Variants in CSMD3 observed in about 807,000 individuals in gnomAD.
CSMD3 encodes the protein CUB and sushi domain-containing protein 3.
CSMD3 carries 177 observed loss-of-function variants against 435.2 expected under a neutral mutation model. That is an observed-to-expected ratio of 0.41 (90% CI 0.36 to 0.46). The LOEUF (loss-of-function observed/expected upper bound fraction) is 0.46, where lower values mean the gene tolerates loss of function less well. CSMD3 is among the 20% of genes least tolerant of loss of function. The pLI is 0.34. For synonymous variants in CSMD3, 1,656 were observed against 1,520.5 expected (o/e 1.09, Z -2.07); for missense variants, 4,265 against 4,504.6 (o/e 0.95, Z 1.52).
At chr8:113,414,216 A>G (rs1263170274) in intron 1 of CSMD3, among the ~76,000 whole-genome samples, 1 of 152,228 alleles carries the variant, frequency 6.6e-6, no homozygotes, top group Non-Finnish European at 1.5e-5. Context: ...TGACTGAGGA[A>G]TTGAATTGTT....
At chr8:113,292,681 G>T (rs1033787165) in intron 2 of CSMD3, among the ~76,000 whole-genome samples, 6 of 151,860 alleles carry the variant, frequency 4.0e-5, no homozygotes, top group African/African-American at 7.2e-5. Context: ...GAGATGGCAT[G>T]CTGTTAAACA....
At position 112,451,218 on chromosome 8, in the gene CSMD3, G is replaced by A. The variant is rs144636193; in HGVS notation, c.5395+21373C>T. On this transcript the variant is annotated intron_variant, in intron 32 of 70. Coordinates refer to ENST00000297405, the MANE Select transcript of CSMD3 (RefSeq NM_198123.2). Reference sequence around the variant, plus strand: ...AATACCAGAGAGAAAAAGCACAAAGGTTAACAGTAGTTATCTCTGGATAGT... The same window carrying A: ...AATACCAGAGAGAAAAAGCACAAAGATTAACAGTAGTTATCTCTGGATAGT... Among the ~76,000 whole-genome samples the A allele has an allele frequency of 4.6e-5, 7 of 152,064 alleles. No individual in the cohort carries two copies. The East Asian group carries it at 1.4e-3, about 29-fold the overall frequency.
At chr8:112,758,034 C>A (rs1270690464) in intron 13 of CSMD3, among the ~76,000 whole-genome samples, 2 of 151,638 alleles carry the variant, frequency 1.3e-5, no homozygotes, top group East Asian at 1.9e-4. Context: ...CCAGCTTAGG[C>A]AATGGCATGA....
intron 11 of CSMD3, among the ~76,000 whole-genome samples, chr8:112,857,959 G>C (rs2080711944): frequency 6.6e-6 from 1 of 151,562 alleles, no homozygotes; most frequent in South Asian, 2.1e-4. Context: ...TGCAACTGAG[G>C]GGTTTGATTT....
intron 16 of CSMD3, among the ~76,000 whole-genome samples, chr8:112,667,049 T>C (rs1477427004): frequency 6.6e-6 from 1 of 152,202 alleles, no homozygotes; most frequent in East Asian, 1.9e-4. Context: ...TTTCAAATAT[T>C]GTATCCTCTG....
intron 32 of CSMD3, among the ~76,000 whole-genome samples, chr8:112,452,097 T>G (rs1455781712): frequency 6.6e-6 from 1 of 152,182 alleles, no homozygotes; most frequent in Non-Finnish European, 1.5e-5. Context: ...GATTCCCAGG[T>G]AGGAAGAAAG....
intron 32 of CSMD3, among the ~76,000 whole-genome samples, chr8:112,439,835 C>A (rs560909416): frequency 9.1e-4 from 137 of 150,098 alleles, no homozygotes; most frequent in African/African-American, 3.2e-3. Flanking sequence ...GAGAACTGCC[C>A]CCATGATTCA....
Position 112,747,183 on chromosome 8 carries a change from C to CTTTTTTTTTTT in CSMD3, c.1972+52968_1972+52978dup, listed in dbSNP as rs71309787. The stretch of plus-strand genomic sequence containing the variant: ...TATGATTATTTGTCTGCACACTTCC[C>CTTTTTTTTTTT]TTTTTTTTTTTTTTTTTTTTTTTTT... On this transcript the variant is annotated intron_variant, in intron 13 of 70. Coordinates refer to ENST00000297405, the MANE Select transcript of CSMD3 (RefSeq NM_198123.2). Among the ~76,000 whole-genome samples the CTTTTTTTTTTT allele has an allele frequency of 6.3e-4, 17 of 26,934 alleles. 1 individual carries two copies. Among genetic ancestry groups the CTTTTTTTTTTT allele is most frequent in the African/African-American group, 1.3e-3 (5 of 3,828 alleles). The allele number at this position is 26,934 out of a possible 152,430, so 17.7% of individuals were successfully genotyped here.
intron 11 of CSMD3, among the ~76,000 whole-genome samples, chr8:112,839,677 G>T (rs2080126156): frequency 6.6e-6 from 1 of 150,982 alleles, no homozygotes; most frequent in African/African-American, 2.4e-5. Context: ...CTGTTTTTTT[G>T]TCCCTTATTA....
At chr8:112,550,303 G>A (rs1827564235) in intron 27 of CSMD3, among the ~76,000 whole-genome samples, 1 of 151,830 alleles carries the variant, frequency 6.6e-6, no homozygotes, top group Non-Finnish European at 1.5e-5. Flanking sequence ...TTTTGTAATA[G>A]CAAGTAGTCA....
rs149740912 is a variant in CSMD3 at position 112,718,043 on chromosome 8, A to G, written c.1973-27993T>C. 2.1e-3 allele frequency among the ~76,000 whole-genome samples: 316 copies of G among 152,246 alleles called. 1 individual carries two copies. The highest frequency in any genetic ancestry group is 7.3e-3 in the African/African-American group (304 of 41,554). On this transcript the variant is annotated intron_variant, in intron 13 of 70. Transcript: ENST00000297405. ...ACGTATACTTAAGTAATAAACCTGCATGTTCTGCACATGTATCTCAGAACT... is the reference window on the plus strand; with the variant it reads ...ACGTATACTTAAGTAATAAACCTGCGTGTTCTGCACATGTATCTCAGAACT...
At chr8:113,256,735 C>T (rs1334180593) in intron 3 of CSMD3, among the ~76,000 whole-genome samples, 1 of 152,106 alleles carries the variant, frequency 6.6e-6, no homozygotes, top group East Asian at 1.9e-4. Context: ...TTACTGAAGC[C>T]ACCAAAATAT....
intron 38 of CSMD3, among the ~76,000 whole-genome samples, chr8:112,361,866 T>G (rs1827276232): frequency 6.6e-6 from 1 of 151,560 alleles, no homozygotes; most frequent in Admixed American, 6.6e-5. Flanking sequence ...GCACTAAAGG[T>G]GGTATTTAGT....
chr8:112,348,293 TAC>T (rs1198932695), intron 40 of CSMD3, among the ~76,000 whole-genome samples: 113 of 152,376 alleles, frequency 7.4e-4, no homozygotes, highest in African/African-American at 2.6e-3. Flanking sequence ...GGGACAACCA[TAC>T]CTTAGTCTTC....
chr8:112,482,784 C>T lies in CSMD3; in HGVS notation c.5278+9705G>A, dbSNP rs554294086. Among the ~76,000 whole-genome samples, 101 of 152,292 alleles carry T rather than the reference C, an allele frequency of 6.6e-4. 1 individual carries two copies. The South Asian group carries it at 0.02, about 31-fold the overall frequency. On this transcript the variant is annotated intron_variant, in intron 31 of 70. Coordinates refer to ENST00000297405, the MANE Select transcript of CSMD3 (RefSeq NM_198123.2). Reference sequence around the variant, plus strand: ...GCGCTCTTTAATAATTTGTTAACTTCTACCAAATCGCCTCAAAAATGTTGC... The same window carrying T: ...GCGCTCTTTAATAATTTGTTAACTTTTACCAAATCGCCTCAAAAATGTTGC...
chr8:113,244,453 T>A (rs1350601030), intron 3 of CSMD3, among the ~76,000 whole-genome samples: 1 of 152,172 alleles, frequency 6.6e-6, no homozygotes, highest in South Asian at 2.1e-4. Flanking sequence ...GTAGCTGGGA[T>A]TACAGGCATG....
chr8:113,045,590 T>C (rs1564249140), intron 5 of CSMD3, among the ~76,000 whole-genome samples: 1 of 149,450 alleles, frequency 6.7e-6, no homozygotes, highest in East Asian at 1.9e-4. Context: ...ACAAAGCAAT[T>C]ATAAATCTAC....
At chr8:112,781,623 C>T (rs1268791288) in intron 13 of CSMD3, among the ~76,000 whole-genome samples, 1 of 152,084 alleles carries the variant, frequency 6.6e-6, no homozygotes, top group East Asian at 1.9e-4. Context: ...CCTTCGGAGA[C>T]AGCCAGTACT....
intron 1 of CSMD3, among the ~76,000 whole-genome samples, chr8:113,374,864 C>T (rs975232167): frequency 4.5e-5 from 6 of 133,178 alleles, no homozygotes; most frequent in Non-Finnish European, 4.6e-5. Context: ...AAATGAACAC[C>T]ATAATACCAT....
Sources: allele counts gnomAD v4.1 joint callset (sites outside exome capture counted in the v4.1 genomes callset), GRCh38; gene constraint gnomAD v4.1.1; transcripts MANE v1.5; gene names NCBI Gene and HGNC (gene_info 2026-07-23, HGNC 2026-07-21).